Variants in ANKS6 observed in about 807,000 individuals in gnomAD.
ANKS6 encodes ankyrin repeat and SAM domain-containing protein 6.
A neutral mutation model predicts 77.9 loss-of-function variants in ANKS6; 47 were observed. The observed-to-expected ratio is 0.60, with a 90% CI of 0.48 to 0.77. ANKS6 has a LOEUF of 0.77. Ranked by LOEUF, ANKS6 falls within the 30% of genes least tolerant of loss-of-function variation. The probability of loss-of-function intolerance (pLI) is 0.00; values close to 1 mark genes in which losing one functional copy is unlikely to be tolerated. For synonymous variants in ANKS6, 488 were observed against 501.7 expected (o/e 0.97, Z 0.37); for missense variants, 1,150 against 1,159.1 (o/e 0.99, Z 0.11).
rs114205569 is a variant in ANKS6 at position 98,751,414 on chromosome 9, C to T, written c.2327-318G>A. The stretch of plus-strand genomic sequence containing the variant: ...CCTCAAGTTCTGGAAGTTCCAGCTG[C>T]CAGAACTAAAACTCTGCCTTCTGTG... On this transcript the variant is annotated intron_variant, in intron 12 of 14. Transcript: ENST00000353234. 8.1e-3 allele frequency among the ~76,000 whole-genome samples: 1,227 copies of T among 152,290 alleles called. 18 individuals are homozygous for T. Among genetic ancestry groups the T allele is most frequent in the African/African-American group, 0.028 (1,156 of 41,544 alleles).
intron 2 of ANKS6, among the ~76,000 whole-genome samples, chr9:98,788,377 A>C (rs1039585450): frequency 1.1e-4 from 17 of 152,142 alleles, no homozygotes; most frequent in Admixed American, 3.3e-4. Context: ...TACCCTCCTC[A>C]GAGGGTCCCT....
chr9:98,735,592 C>A lies in ANKS6; in HGVS notation c.*927G>T, dbSNP rs188813077. ...ACCAGAGACCTTTACACAATGTGAC[C>A]CATTAGCCTTCTGCTTCCACTTTCA... On this transcript the variant is annotated 3_prime_UTR_variant, in exon 15 of 15. Coordinates refer to ENST00000353234, the MANE Select transcript of ANKS6 (RefSeq NM_173551.5). 124 of 1,231,252 alleles carry A rather than the reference C, an allele frequency of 1.0e-4. No individual in the cohort carries two copies. In the African/African-American group the frequency reaches 1.8e-3, roughly 18 times the overall value. 76.3% of individuals were successfully genotyped at this position (1,231,252 alleles called of 1,614,324 possible). A position where few individuals can be genotyped will look rare whatever the true frequency, so the allele number is the denominator to read the frequency against.
Position 98,790,524 on chromosome 9 carries a change from G to A in ANKS6, c.442C>T (p.Leu148Phe). Reference sequence around the variant, plus strand: ...TGGCCGCCCCGAGAAGCCACAGTGAGCACACTGGCCCCCAGCCGGTTCTGG... The same window carrying A: ...TGGCCGCCCCGAGAAGCCACAGTGAACACACTGGCCCCCAGCCGGTTCTGG... Reference protein sequence around the residue: ...NAQNRLGASVLTVASRGGHLG... With the variant: ...NAQNRLGASVFTVASRGGHLG... The change falls in exon 2 of 15, where the codon CTC becomes TTC. Residue 148 changes from leucine to phenylalanine, a missense_variant. Physicochemically the swap from Leu to Phe is conservative, Grantham distance 22. Coordinates refer to ENST00000353234, the MANE Select transcript of ANKS6 (RefSeq NM_173551.5). The A allele has an allele frequency of 6.2e-7, 1 of 1,613,658 alleles. No homozygotes were observed. The highest frequency in any genetic ancestry group is 8.5e-7 in the Non-Finnish European group (1 of 1,179,982).
At chr9:98,744,417 C>T (rs1028395968) in intron 14 of ANKS6, among the ~76,000 whole-genome samples, 5 of 152,196 alleles carry the variant, frequency 3.3e-5, no homozygotes, top group East Asian at 1.9e-4. Flanking sequence ...TGCCCACCAC[C>T]GCGTGACCTG....
chr9:98,735,766 T>A lies in ANKS6; in HGVS notation c.*753A>T, dbSNP rs1831464147. 1.6e-6 allele frequency: 2 copies of A among 1,231,736 alleles called. No homozygotes were observed. The highest frequency in any genetic ancestry group is 2.0e-6 in the Non-Finnish European group (2 of 987,978). 76.3% of individuals were successfully genotyped at this position (1,231,736 alleles called of 1,614,324 possible). On this transcript the variant is annotated 3_prime_UTR_variant, in exon 15 of 15. Coordinates refer to ENST00000353234, the MANE Select transcript of ANKS6 (RefSeq NM_173551.5). ...GGCCTCCACTTCTTTCCTTCTATAA[T>A]AGACTCTCTTTGCAATAAAGAAAAA...
intron 9 of ANKS6, 107 bp downstream of exon 9, chr9:98,773,770 G>A: frequency 1.9e-6 from 2 of 1,054,928 alleles, no homozygotes; most frequent in South Asian, 2.6e-5. Context: ...GAAAAAAAAA[G>A]TTGCAACCCC....
In ANKS6 at chr9:98,736,308, A is replaced by C; in HGVS notation, c.*211T>G. On this transcript the variant is annotated 3_prime_UTR_variant, in exon 15 of 15. Coordinates refer to ENST00000353234, the MANE Select transcript of ANKS6 (RefSeq NM_173551.5). ...TGCCAAGCAGAAGCACCCCCACTGG[A>C]CTGTTACATGGGAATCTGTCTCTGT... The C allele has an allele frequency of 7.2e-7, 1 of 1,397,176 alleles. No homozygotes were observed. The highest frequency in any genetic ancestry group is 3.1e-5 in the Admixed American group (1 of 31,886). The allele number at this position is 1,397,176 out of a possible 1,614,324, so 86.5% of individuals were successfully genotyped here.
intron 7 of ANKS6, 71 bp from the exon 8 acceptor site, chr9:98,777,525 G>T: frequency 6.7e-7 from 1 of 1,484,604 alleles, no homozygotes; most frequent in Non-Finnish European, 9.4e-7. Flanking sequence ...AGTGACTGGG[G>T]CAGGCTTCAA....
At position 98,734,861 on chromosome 9, in the gene ANKS6, A is replaced by G. The variant is rs1831407334; in HGVS notation, c.*1658T>C. ...GTGTCTATCAGTAACAGCTAAATGA[A>G]ACACTTTGTCTTCAGTCCTGTGGAA... On this transcript the variant is annotated 3_prime_UTR_variant, in exon 15 of 15. Coordinates refer to ENST00000353234, the MANE Select transcript of ANKS6 (RefSeq NM_173551.5). 1.5e-5 allele frequency: 15 copies of G among 985,450 alleles called. No homozygotes were observed. The highest frequency in any genetic ancestry group is 1.8e-5 in the Non-Finnish European group (15 of 829,944). The allele number at this position is 985,450 out of a possible 1,614,324, so 61.0% of individuals were successfully genotyped here. A position where few individuals can be genotyped will look rare whatever the true frequency, so the allele number is the denominator to read the frequency against.
intron 9 of ANKS6, 49 bp downstream of exon 9, chr9:98,773,828 C>T: frequency 7.0e-7 from 1 of 1,435,260 alleles, no homozygotes; most frequent in Non-Finnish European, 9.2e-7. Flanking sequence ...ACACCATGAT[C>T]TCAGTGAGCA....
chr9:98,734,563 A>G lies in ANKS6; in HGVS notation c.*1956T>C, dbSNP rs1418846576. Reference sequence around the variant, plus strand: ...AAGAATCACAAGTGCTTCTAGCTCCAGGAGTCTATAGGAGTTAGTGGAAAA... The same window carrying G: ...AAGAATCACAAGTGCTTCTAGCTCCGGGAGTCTATAGGAGTTAGTGGAAAA... On this transcript the variant is annotated 3_prime_UTR_variant, in exon 15 of 15. Transcript: ENST00000353234. 26 of 985,364 alleles carry G rather than the reference A, an allele frequency of 2.6e-5. No homozygotes were observed. Among genetic ancestry groups the G allele is most frequent in the Non-Finnish European group, 2.9e-5 (24 of 829,964 alleles). 61.0% of individuals were successfully genotyped at this position (985,364 alleles called of 1,614,324 possible). A position where few individuals can be genotyped will look rare whatever the true frequency, so the allele number is the denominator to read the frequency against.
At position 98,777,492 on chromosome 9, in the gene ANKS6, C is replaced by CA. The variant is rs756132206; in HGVS notation, c.1568-39dup. ...TGGAAATTTCCTGAAATGACCCCTC[C>CA]ACGTGTCCACAGCATAAGGATGAGT... On this transcript the variant is annotated intron_variant, in intron 7 of 14. Transcript: ENST00000353234. The CA allele has an allele frequency of 5.0e-6, 8 of 1,602,228 alleles. No individual in the cohort carries two copies. In the South Asian group the frequency reaches 7.7e-5, roughly 15 times the overall value.
rs1435273642 is a variant in ANKS6 at position 98,745,759 on chromosome 9, C to T, written c.2395-84G>A. 5 of 990,914 alleles carry T rather than the reference C, an allele frequency of 5.0e-6. No individual in the cohort carries two copies. In the East Asian group the frequency reaches 9.5e-5, roughly 19 times the overall value. 61.4% of individuals were successfully genotyped at this position (990,914 alleles called of 1,614,324 possible). ...ACAACAGCAATCTCATGATTATGAG[C>T]TATGAGTGCTTATTAGTAGTAAACT... is the stretch of plus-strand genomic sequence containing the variant. On this transcript the variant is annotated intron_variant, in intron 13 of 14. Transcript: ENST00000353234.
intron 8 of ANKS6, among the ~76,000 whole-genome samples, chr9:98,775,128 C>T (rs149523279): frequency 7.2e-5 from 11 of 152,366 alleles, no homozygotes; most frequent in South Asian, 6.2e-4. Context: ...ATCCAGCAAA[C>T]GGGGTTGAGT....
chr9:98,790,061 AT>A, intron 2 of ANKS6, 42 bp downstream of exon 2: 1 of 1,521,558 alleles, frequency 6.6e-7, no homozygotes, highest in East Asian at 2.3e-5. Flanking sequence ...CATAAACACA[AT>A]TTGGGGTCCT....
In ANKS6 at chr9:98,790,520, G is replaced by C. The variant is rs773453306; in HGVS notation, c.446C>G (p.Thr149Ser). The change falls in exon 2 of 15, where the codon ACT (threonine) becomes AGT (serine). Residue 149 changes from threonine (T) to serine (S), a missense_variant. Thr to Ser is a moderately conservative substitution (Grantham distance 58). Coordinates refer to ENST00000353234, the MANE Select transcript of ANKS6 (RefSeq NM_173551.5). ...CAGGTGGCCGCCCCGAGAAGCCACA[G>C]TGAGCACACTGGCCCCCAGCCGGTT... ...AQNRLGASVL[T>S]VASRGGHLGV... The C allele has an allele frequency of 6.2e-7, 1 of 1,613,680 alleles. No individual in the cohort carries two copies. The highest frequency in any genetic ancestry group is 1.7e-5 in the Admixed American group (1 of 60,012).
In ANKS6 at chr9:98,734,346, G is replaced by A. The variant is rs979343083; in HGVS notation, c.*2173C>T. On this transcript the variant is annotated 3_prime_UTR_variant, in exon 15 of 15. Coordinates refer to ENST00000353234, the MANE Select transcript of ANKS6 (RefSeq NM_173551.5). ...ATTTGTGAAAAGGTGACCCCCCGGT[G>A]CAGCTGTGTATCATTGTTCAATCAA... 1.0e-6 allele frequency: 1 copy of A among 985,480 alleles called. No individual in the cohort carries two copies. Among genetic ancestry groups the A allele is most frequent in the Non-Finnish European group, 1.2e-6 (1 of 829,990 alleles). The allele number at this position is 985,480 out of a possible 1,614,324, so 61.0% of individuals were successfully genotyped here.
chr9:98,754,698 T>C (rs984873774), intron 12 of ANKS6, among the ~76,000 whole-genome samples: 3 of 151,754 alleles, frequency 2.0e-5, no homozygotes, highest in Middle Eastern at 3.2e-3. Flanking sequence ...AACAATCATA[T>C]ACCCACAGGA....
chr9:98,794,015 T>C (rs1344862361), intron 1 of ANKS6, among the ~76,000 whole-genome samples: 1 of 149,586 alleles, frequency 6.7e-6, no homozygotes, highest in Non-Finnish European at 1.5e-5. Context: ...CTGGGCGTGG[T>C]GGCACGTGAC....
Sources: allele counts gnomAD v4.1 joint callset (sites outside exome capture counted in the v4.1 genomes callset), GRCh38; gene constraint gnomAD v4.1.1; transcripts MANE v1.5; gene names NCBI Gene and HGNC (gene_info 2026-07-23, HGNC 2026-07-21).